Variants in B3GALT5 observed in about 807,000 individuals in gnomAD.
B3GALT5 encodes UDP-Gal:betaGlcNAc beta 1,3-galactosyltransferase, polypeptide 5.
For missense variants in B3GALT5, 328 were observed against 396.6 expected, an observed-to-expected ratio of 0.83 and a Z score of 1.47; for synonymous variants, 156 against 158.6, an observed-to-expected ratio of 0.98 and a Z score of 0.12.
rs192741372 is a variant in B3GALT5 at position 39,657,236 on chromosome 21, G to C, written c.-160-2517G>C. 5.2e-5 allele frequency: 8 copies of C among 152,434 alleles called. No homozygotes were observed. In the East Asian group the frequency reaches 5.8e-4, roughly 11 times the overall value. The allele number at this position is 152,434 out of a possible 1,614,324, so 9.4% of individuals were successfully genotyped here. A position where few individuals can be genotyped will look rare whatever the true frequency, so the allele number is the denominator to read the frequency against. ...TAAAGCATTATTTCTGGGTGTGTTT[G>C]TGAAGGTGTTTCCAGAGGAGATTGG... is the stretch of plus-strand genomic sequence containing the variant. On this transcript the variant is annotated intron_variant, in intron 2 of 3. Coordinates refer to ENST00000684187, the MANE Select transcript of B3GALT5 (RefSeq NM_001356336.2).
At chr21:39,639,211 C>T (rs1326983736) in intron 1 of B3GALT5, among the ~76,000 whole-genome samples, 2 of 152,072 alleles carry the variant, frequency 1.3e-5, no homozygotes, top group African/African-American at 4.8e-5. Context: ...CCTGACTTTG[C>T]CTAGCATGAA....
chr21:39,616,361 TC>T (rs2079107542), intron 1 of B3GALT5, among the ~76,000 whole-genome samples: 1 of 152,242 alleles, frequency 6.6e-6, no homozygotes. Flanking sequence ...TTAATCTCGT[TC>T]CGTCTCCTTG....
intron 1 of B3GALT5, among the ~76,000 whole-genome samples, chr21:39,614,728 G>T (rs532857407): frequency 6.6e-6 from 1 of 152,202 alleles, no homozygotes; most frequent in African/African-American, 2.4e-5. Context: ...GGTCCAAGAA[G>T]AGTTTCAGGG....
chr21:39,639,347 T>TTTCTTTCTTTCTTTTTTTCC (rs762994044), intron 1 of B3GALT5, among the ~76,000 whole-genome samples: 28 of 66,738 alleles, frequency 4.2e-4, no homozygotes, highest in Non-Finnish European at 5.3e-4. Flanking sequence ...TCTTTCTTTC[T>TTTCTTTCTTTCTTTTTTTCC]TTCCTTCCTT....
chr21:39,617,146 A>T (rs2079111088), intron 1 of B3GALT5, among the ~76,000 whole-genome samples: 1 of 152,116 alleles, frequency 6.6e-6, no homozygotes, highest in African/African-American at 2.4e-5. Context: ...TGTCTTTTCC[A>T]TGTGTGTTTC....
At chr21:39,621,142 C>T (rs1001825894) in intron 1 of B3GALT5, among the ~76,000 whole-genome samples, 1 of 152,162 alleles carries the variant, frequency 6.6e-6, no homozygotes, top group Non-Finnish European at 1.5e-5. Flanking sequence ...TTCACCTTCA[C>T]CTTAATGGGA....
At chr21:39,649,232 AGGACCATG>A (rs1385113515) in intron 2 of B3GALT5, among the ~76,000 whole-genome samples, 1 of 152,210 alleles carries the variant, frequency 6.6e-6, no homozygotes, top group Non-Finnish European at 1.5e-5. Context: ...AACCCTGAGA[AGGACCATG>A]GGCCCCCTGA....
chr21:39,648,922 G>A (rs1157006417), intron 2 of B3GALT5, among the ~76,000 whole-genome samples: 2 of 152,170 alleles, frequency 1.3e-5, no homozygotes, highest in Admixed American at 6.5e-5. Context: ...GGAGGCCCTC[G>A]CCAGAACCCG....
At chr21:39,620,399 C>T (rs908424952) in intron 1 of B3GALT5, among the ~76,000 whole-genome samples, 7 of 152,086 alleles carry the variant, frequency 4.6e-5, no homozygotes, top group Non-Finnish European at 8.8e-5. Flanking sequence ...AATAATACCA[C>T]GGAAATTTGA....
At chr21:39,631,335 G>A (rs1185914766) in intron 1 of B3GALT5, among the ~76,000 whole-genome samples, 1 of 152,112 alleles carries the variant, frequency 6.6e-6, no homozygotes, top group African/African-American at 2.4e-5. Flanking sequence ...ATGTTCTGTG[G>A]CCTGTGGAGC....
At chr21:39,626,134 T>C (rs1345686466) in intron 1 of B3GALT5, among the ~76,000 whole-genome samples, 1 of 152,190 alleles carries the variant, frequency 6.6e-6, no homozygotes, top group Admixed American at 6.5e-5. Flanking sequence ...CCTGTTTCTA[T>C]GGATTTTGCT....
At chr21:39,642,213 G>A (rs1480187958) in intron 1 of B3GALT5, among the ~76,000 whole-genome samples, 1 of 152,210 alleles carries the variant, frequency 6.6e-6, no homozygotes, top group Admixed American at 6.5e-5. Context: ...TGGGCTCTGA[G>A]CTAGGCACGA....
intron 1 of B3GALT5, among the ~76,000 whole-genome samples, chr21:39,640,975 G>C (rs2079285431): frequency 6.6e-6 from 1 of 152,072 alleles, no homozygotes; most frequent in Non-Finnish European, 1.5e-5. Flanking sequence ...GAACTCCTGG[G>C]CTCAAGCGAT....
intron 1 of B3GALT5, chr21:39,630,429 C>T (rs766541188): frequency 6.7e-6 from 1 of 150,190 alleles, no homozygotes; most frequent in African/African-American, 2.5e-5. Flanking sequence ...CTCGTGGCCA[C>T]ACTCTTCCGC....
chr21:39,639,395 T>TTCCTTCCTTCCTTCC (rs1569212335), intron 1 of B3GALT5, among the ~76,000 whole-genome samples: 1 of 78,650 alleles, frequency 1.3e-5, no homozygotes, highest in Admixed American at 1.4e-4. Flanking sequence ...TCCTTCCTTC[T>TTCCTTCCTTCCTTCC]TTCTTTTTCT....
At chr21:39,645,950 G>C (rs1486899078) in intron 1 of B3GALT5, among the ~76,000 whole-genome samples, 2 of 150,748 alleles carry the variant, frequency 1.3e-5, no homozygotes, top group Non-Finnish European at 3.0e-5. Context: ...TGATCCCGCA[G>C]CCGCCCTCTG....
chr21:39,650,898 C>A (rs555396728), intron 2 of B3GALT5, among the ~76,000 whole-genome samples: 2 of 151,908 alleles, frequency 1.3e-5, no homozygotes, highest in Admixed American at 1.3e-4. Context: ...CCATGTCCCA[C>A]TTCTTCCACC....
chr21:39,660,728 C>A lies in B3GALT5; in HGVS notation c.169C>A (p.Pro57Thr), dbSNP rs770292846. 1 of 1,551,090 alleles carries A rather than the reference C, an allele frequency of 6.4e-7. No homozygotes were observed. Among genetic ancestry groups the A allele is most frequent in the Non-Finnish European group, 8.7e-7 (1 of 1,151,220 alleles). The change falls in exon 4 of 4, where the codon CCC (proline) becomes ACC (threonine). Residue 57 changes from proline (P) to threonine (T), a missense_variant. Transcript: ENST00000684187. ...AGATACAGACTGCAGGCAGACACCT[C>A]CCTTCCTCGTCCTGCTGGTGACCTC... ...LPDTDCRQTP[P>T]FLVLLVTSSH...
intron 1 of B3GALT5, among the ~76,000 whole-genome samples, chr21:39,623,163 T>TTC (rs367888842): frequency 9.5e-5 from 12 of 125,792 alleles, no homozygotes; most frequent in African/African-American, 2.8e-4. Flanking sequence ...TTCTCTTTCT[T>TTC]TCTCTCTCTC....
Sources: gnomAD v4.1 joint callset for allele counts (sites outside exome capture counted in the v4.1 genomes callset) on GRCh38, gnomAD v4.1.1 for gene constraint, MANE v1.5 for transcripts, NCBI Gene and HGNC (gene_info 2026-07-23, HGNC 2026-07-21) for gene names.